MS4A5: variants seen among roughly 807,000 people sequenced by gnomAD.
The protein encoded by MS4A5 is membrane-spanning 4-domains subfamily A member 5.
MS4A5 carries 15 observed loss-of-function variants against 18.2 expected under a neutral mutation model. The ratio of observed to expected loss-of-function variants is 0.83; its 90% CI spans 0.55 to 1.27. MS4A5 has a LOEUF of 1.27. MS4A5 is among the 50% of genes most tolerant of loss of function. The pLI is 0.00. For synonymous variants in MS4A5, 89 were observed against 78.7 expected, an observed-to-expected ratio of 1.13 and a Z score of -0.69; for missense variants, 232 against 225.7, an observed-to-expected ratio of 1.03 and a Z score of -0.18.
At chr11:60,444,689 T>C (rs2086130377) in intron 4 of MS4A5, among the ~76,000 whole-genome samples, 1 of 152,040 alleles carries the variant, frequency 6.6e-6, no homozygotes, top group South Asian at 2.1e-4. Context: ...ATCAGATAAA[T>C]GCAAATTAAA....
chr11:60,441,865 A>G (rs1435571930), intron 4 of MS4A5, among the ~76,000 whole-genome samples: 1 of 152,214 alleles, frequency 6.6e-6, no homozygotes, highest in Non-Finnish European at 1.5e-5. Flanking sequence ...ATTTAAGGCA[A>G]GAAGCATTGC....
At chr11:60,443,759 C>A (rs1235516647) in intron 4 of MS4A5, among the ~76,000 whole-genome samples, 2 of 151,634 alleles carry the variant, frequency 1.3e-5, no homozygotes, top group African/African-American at 4.8e-5. Context: ...AAAGAGAAAA[C>A]ACAAACTATC....
chr11:60,433,800 C>T lies in MS4A5; in HGVS notation c.375C>T (p.Ala125=), dbSNP rs1354811894. The part of the protein sequence containing the change: ...ILSRIMNFLS[A]LGAIAGIILL... ...GCCGAATAATGAATTTTCTTAGTGC[C>T]CTGGGAGCAATAGCTGGAATCATTC... The change falls in exon 4 of 5, where the codon GCC becomes GCT. Residue 125 remains alanine, a synonymous_variant. Transcript: ENST00000300190. The T allele has an allele frequency of 5.0e-6, 8 of 1,613,758 alleles. No individual in the cohort carries two copies. The highest frequency in any genetic ancestry group is 6.8e-6 in the Non-Finnish European group (8 of 1,179,774).
At position 60,447,759 on chromosome 11, in the gene MS4A5, A is replaced by G; in HGVS notation, c.603A>G (p.Ter201TrpextTer4). The change falls in exon 5 of 5, where the codon TGA becomes TGG. Residue 201 changes from the stop codon to tryptophan, a stop_lost. Coordinates refer to ENST00000300190, the MANE Select transcript of MS4A5 (RefSeq NM_023945.3). ...SEDCDCEQCC[*>W] is the part of the protein sequence containing the mutation. The stretch of plus-strand genomic sequence containing the variant: ...ATTGTGATTGTGAACAATGTTGTTG[A>G]CTAGCACTGTGAGAATAAAGATGTG... The G allele has an allele frequency of 6.5e-7, 1 of 1,536,052 alleles. No homozygotes were observed. The highest frequency in any genetic ancestry group is 8.9e-7 in the Non-Finnish European group (1 of 1,122,760).
rs1313928569 is a variant in MS4A5 at position 60,431,075 on chromosome 11, T to A, written c.282+151T>A. 1.7e-5 allele frequency: 13 copies of A among 768,174 alleles called. No individual in the cohort carries two copies. In the East Asian group the frequency reaches 3.6e-4, roughly 21 times the overall value. 47.6% of individuals were successfully genotyped at this position (768,174 alleles called of 1,614,324 possible). A position where few individuals can be genotyped will look rare whatever the true frequency, so the allele number is the denominator to read the frequency against. On this transcript the variant is annotated intron_variant, in intron 2 of 4. Coordinates refer to ENST00000300190, the MANE Select transcript of MS4A5 (RefSeq NM_023945.3). ...TTGAAATTATTTCCCCATTAGTTCA[T>A]CACAGTCACTGATATTCCATCATTA...
intron 4 of MS4A5, among the ~76,000 whole-genome samples, chr11:60,438,182 A>G (rs930630339): frequency 2.6e-5 from 4 of 152,108 alleles, no homozygotes; most frequent in Non-Finnish European, 5.9e-5. Flanking sequence ...TACTGGGTAC[A>G]TAATGAAATG....
intron 4 of MS4A5, chr11:60,435,589 CGAAGCAGGGCGAGGCATTGCCTCACTTGG>C (rs1487674878): frequency 6.9e-6 from 2 of 288,418 alleles, no homozygotes; most frequent in African/African-American, 4.6e-5. Context: ...CTGCGCGAGC[CGAAGCAGGGCGAGGCATTGCCTCACTTGG>C]GAAGCGCAAG....
intron 4 of MS4A5, among the ~76,000 whole-genome samples, chr11:60,443,009 T>C (rs1473008882): frequency 6.6e-6 from 1 of 151,964 alleles, no homozygotes; most frequent in Non-Finnish European, 1.5e-5. Flanking sequence ...GGCATGGTGG[T>C]GGGCAGCTTT....
At chr11:60,443,811 A>G (rs1478734046) in intron 4 of MS4A5, among the ~76,000 whole-genome samples, 1 of 152,278 alleles carries the variant, frequency 6.6e-6, no homozygotes, top group East Asian at 1.9e-4. Flanking sequence ...TACAATAGCC[A>G]AGAACATATG....
At chr11:60,440,665 C>T (rs1460370703) in intron 4 of MS4A5, among the ~76,000 whole-genome samples, 12 of 149,044 alleles carry the variant, frequency 8.1e-5, no homozygotes, top group African/African-American at 3.0e-4. Flanking sequence ...AGCCAAAAAA[C>T]ACATGAAAAA....
chr11:60,430,776 A>T lies in MS4A5; in HGVS notation c.154-20A>T, dbSNP rs1254333815. On this transcript the variant is annotated intron_variant, in intron 1 of 4. Coordinates refer to ENST00000300190, the MANE Select transcript of MS4A5 (RefSeq NM_023945.3). ...TATCACTTTGCTTTTCCTCACCATG[A>T]CTTTTTCCTCTATTTGCAGACTATC... 1 of 1,607,518 alleles carries T rather than the reference A, an allele frequency of 6.2e-7. No homozygotes were observed. Among genetic ancestry groups the T allele is most frequent in the Non-Finnish European group, 8.5e-7 (1 of 1,178,960 alleles).
At chr11:60,437,950 G>A (rs912112489) in intron 4 of MS4A5, among the ~76,000 whole-genome samples, 13 of 152,084 alleles carry the variant, frequency 8.5e-5, no homozygotes, top group East Asian at 1.9e-4. Context: ...AACTCTCCAC[G>A]CCAAATCAAC....
chr11:60,436,953 TC>T (rs1458958828), intron 4 of MS4A5, among the ~76,000 whole-genome samples: 2 of 131,400 alleles, frequency 1.5e-5, no homozygotes, highest in African/African-American at 5.3e-5. Context: ...GAAAAGCAAC[TC>T]CAAGACACAT....
At chr11:60,436,954 C>A (rs2086083730) in intron 4 of MS4A5, among the ~76,000 whole-genome samples, 1 of 131,746 alleles carries the variant, frequency 7.6e-6, no homozygotes, top group Non-Finnish European at 1.7e-5. Context: ...AAAAGCAACT[C>A]CAAGACACAT....
At chr11:60,432,365 A>G (rs751431872) in intron 2 of MS4A5, 46 bp from the exon 3 acceptor site, 7 of 1,303,362 alleles carry the variant, frequency 5.4e-6, no homozygotes, top group Non-Finnish European at 7.6e-6. Context: ...AGAACTCAAC[A>G]TCAGCTAAAC....
chr11:60,443,892 A>G (rs1328644023), intron 4 of MS4A5, among the ~76,000 whole-genome samples: 5 of 152,212 alleles, frequency 3.3e-5, no homozygotes. Context: ...ACCTACCAAA[A>G]CTATGCAAAA....
intron 1 of MS4A5, 116 bp from the exon 2 acceptor site, chr11:60,430,680 C>T (rs898844644): frequency 1.7e-6 from 2 of 1,150,482 alleles, no homozygotes; most frequent in African/African-American, 3.1e-5. Context: ...ATTATTCTTC[C>T]CCTAATTACC....
In MS4A5 at chr11:60,436,705, GA is replaced by G. The variant is rs1000884882; in HGVS notation, c.492+2790del. Among the ~76,000 whole-genome samples the G allele has an allele frequency of 8.9e-5, 12 of 134,396 alleles. 3 individuals carry two copies. The highest frequency in any genetic ancestry group is 4.8e-4 in the South Asian group (2 of 4,206). 88.2% of individuals were successfully genotyped at this position (134,396 alleles called of 152,430 possible). ...AGATGAAATGAATGAAATGAAGCGAGAAGGGAAGTTTAGAGAAAAAAGAATA... is the reference window on the plus strand; with the variant it reads ...AGATGAAATGAATGAAATGAAGCGAGAGGGAAGTTTAGAGAAAAAAGAATA... On this transcript the variant is annotated intron_variant, in intron 4 of 4. Transcript: ENST00000300190.
intron 1 of MS4A5, among the ~76,000 whole-genome samples, chr11:60,430,580 CAGG>C (rs1044130728): frequency 3.5e-4 from 53 of 152,302 alleles, no homozygotes; most frequent in African/African-American, 1.2e-3. Context: ...ACCACATTTT[CAGG>C]AGCACTGATT....
Sources: gnomAD v4.1 joint callset for allele counts (sites outside exome capture counted in the v4.1 genomes callset) on GRCh38, gnomAD v4.1.1 for gene constraint, MANE v1.5 for transcripts, NCBI Gene and HGNC (gene_info 2026-07-23, HGNC 2026-07-21) for gene names.